Variants in TLCD3B observed in about 807,000 individuals in gnomAD.
TLCD3B encodes ceramide synthase.
A neutral mutation model predicts 23.0 loss-of-function variants in TLCD3B; 9 were observed. That is an observed-to-expected ratio of 0.39 (90% CI 0.24 to 0.68). The LOEUF (loss-of-function observed/expected upper bound fraction) is 0.68, where lower values mean the gene tolerates loss of function less well. TLCD3B is among the 30% of genes least tolerant of loss of function. The probability of loss-of-function intolerance (pLI) is 0.44; values close to 1 mark genes in which losing one functional copy is unlikely to be tolerated. For synonymous variants in TLCD3B, 161 were observed against 161.0 expected, an observed-to-expected ratio of 1.00 and a Z score of 0.00; for missense variants, 307 against 371.8, an observed-to-expected ratio of 0.83 and a Z score of 1.43.
In TLCD3B at chr16:30,025,494, C is replaced by A. The variant is rs369393920; in HGVS notation, c.541-27G>T. On this transcript the variant is annotated intron_variant, in intron 4 of 4. Coordinates refer to ENST00000380495, the MANE Select transcript of TLCD3B (RefSeq NM_031478.6). The surrounding 1 kb of genome is among the most constrained non-coding windows in gnomAD (Gnocchi z 4.1). ...TGAGGAGACACAGACACAGTGGCCA[C>A]GGCAGCAGAAGGGCTCGGCCCCCCT... 2 of 1,609,290 alleles carry A rather than the reference C, an allele frequency of 1.2e-6. No individual in the cohort carries two copies. The highest frequency in any genetic ancestry group is 2.2e-5 in the East Asian group (1 of 44,770).
intron 2 of TLCD3B, among the ~76,000 whole-genome samples, chr16:30,042,055 G>A (rs1027712022): frequency 4.6e-5 from 7 of 151,492 alleles, no homozygotes; most frequent in African/African-American, 1.7e-4. Context: ...TTTTCTAATC[G>A]CTGCCTATCA....
At chr16:30,048,160 A>C (rs886663586) in intron 1 of TLCD3B, among the ~76,000 whole-genome samples, 4 of 145,422 alleles carry the variant, frequency 2.8e-5, no homozygotes, top group South Asian at 2.2e-4. Flanking sequence ...AAAAAAAAAA[A>C]CCACCACCAA....
intron 1 of TLCD3B, among the ~76,000 whole-genome samples, chr16:30,050,606 A>C (rs1247319487): frequency 6.6e-6 from 1 of 152,240 alleles, no homozygotes; most frequent in Non-Finnish European, 1.5e-5. Flanking sequence ...CTTTAGGATC[A>C]ATAATGGTGA....
chr16:30,026,306 G>C (rs1221331127), intron 3 of TLCD3B, among the ~76,000 whole-genome samples: 2 of 152,090 alleles, frequency 1.3e-5, no homozygotes, highest in African/African-American at 2.4e-5. Flanking sequence ...CCCTCTCACG[G>C]TCCTGCAGAA....
intron 2 of TLCD3B, among the ~76,000 whole-genome samples, chr16:30,027,339 C>T (rs1387770894): frequency 1.3e-5 from 2 of 152,174 alleles, no homozygotes; most frequent in Non-Finnish European, 2.9e-5. Flanking sequence ...CTTATTTACC[C>T]CTCCCAAAAC....
At chr16:30,034,946 C>G (rs2071439426), upstream of TLCD3B, among the ~76,000 whole-genome samples, 1 of 148,214 alleles carries the variant, frequency 6.7e-6, no homozygotes, top group African/African-American at 2.5e-5. Context: ...GAGTCTCACT[C>G]TGTCACCTAG....
rs2071080067 is a variant in TLCD3B, at chr16:30,025,483, C to T, written c.541-16G>A. ...GCTGCTTGTACTGAGGAGACACAGA[C>T]ACAGTGGCCACGGCAGCAGAAGGGC... On this transcript the variant is annotated splice_polypyrimidine_tract_variant and intron_variant, in intron 4 of 4. Coordinates refer to ENST00000380495, the MANE Select transcript of TLCD3B (RefSeq NM_031478.6). The surrounding 1 kb of genome is among the most constrained non-coding windows in gnomAD (Gnocchi z 4.1). The T allele has an allele frequency of 6.2e-6, 10 of 1,610,492 alleles. No homozygotes were observed. In the East Asian group the frequency reaches 2.2e-4, roughly 36 times the overall value.
At position 30,025,493 on chromosome 16, in the gene TLCD3B, A is replaced by ACGGCAGCAGAAGGGCT; in HGVS notation, c.541-42_541-27dup. On this transcript the variant is annotated intron_variant, in intron 4 of 4. Coordinates refer to ENST00000380495, the MANE Select transcript of TLCD3B (RefSeq NM_031478.6). This position sits in a 1 kb window ranked among gnomAD's most constrained non-coding sequence, Gnocchi z 4.1. ...CTGAGGAGACACAGACACAGTGGCC[A>ACGGCAGCAGAAGGGCT]CGGCAGCAGAAGGGCTCGGCCCCCC... The ACGGCAGCAGAAGGGCT allele has an allele frequency of 6.2e-7, 1 of 1,609,512 alleles. No homozygotes were observed. Among genetic ancestry groups the ACGGCAGCAGAAGGGCT allele is most frequent in the Non-Finnish European group, 8.5e-7 (1 of 1,178,388 alleles).
exon 1 of TLCD3B, chr16:30,052,870 C>G (rs1262851729): frequency 2.0e-5 from 3 of 152,124 alleles, no homozygotes; most frequent in Admixed American, 2.0e-4. Flanking sequence ...GGGGTTCAAT[C>G]CTCCTGTGGC....
intron 3 of TLCD3B, among the ~76,000 whole-genome samples, chr16:30,039,289 A>C (rs1309901031): frequency 6.6e-6 from 1 of 151,578 alleles, no homozygotes; most frequent in Non-Finnish European, 1.5e-5. Flanking sequence ...ACGCCTGGCT[A>C]ATTTTGTATT....
intron 3 of TLCD3B, among the ~76,000 whole-genome samples, chr16:30,040,235 A>G (rs1057272858): frequency 1.3e-5 from 2 of 150,994 alleles, no homozygotes. Context: ...CAGCTCCTGC[A>G]TAGCTCATTG....
rs2071154420 is a variant in TLCD3B at position 30,026,690 on chromosome 16, T to C, written c.363A>G (p.Ile121Met). 1 of 1,613,812 alleles carries C rather than the reference T, an allele frequency of 6.2e-7. No homozygotes were observed. The highest frequency in any genetic ancestry group is 1.1e-5 in the South Asian group (1 of 91,080). ...AARAPGSTWA[I>M]ARGYLHKEFL... Reference sequence around the variant, plus strand: ...ACTCCTTGTGCAGGTAGCCACGCGCTATGGCCCACGTGCTGCCCGGGGCTC... The same window carrying C: ...ACTCCTTGTGCAGGTAGCCACGCGCCATGGCCCACGTGCTGCCCGGGGCTC... Residue 121 changes from isoleucine (I) to methionine (M), a missense_variant, in exon 3 of 5, where the codon ATA (isoleucine) becomes ATG (methionine). Coordinates refer to ENST00000380495, the MANE Select transcript of TLCD3B (RefSeq NM_031478.6).
intron 2 of TLCD3B, chr16:30,027,722 C>A (rs2071210434): frequency 4.4e-6 from 2 of 451,310 alleles, no homozygotes; most frequent in Non-Finnish European, 4.5e-6. Flanking sequence ...CAGCATTTTT[C>A]TTCTGGAGTC....
chr16:30,028,644 G>A (rs1300666054), intron 2 of TLCD3B, among the ~76,000 whole-genome samples: 3 of 152,172 alleles, frequency 2.0e-5, no homozygotes, highest in African/African-American at 4.8e-5. Context: ...ACTCATCTTC[G>A]GGAAAAGAGG....
At chr16:30,038,447 C>T (rs935325967) in intron 3 of TLCD3B, among the ~76,000 whole-genome samples, 2 of 152,024 alleles carry the variant, frequency 1.3e-5, no homozygotes, top group Admixed American at 1.3e-4. Context: ...AGTGCGACTC[C>T]GTCTCTAAAA....
rs377248228 is a variant in TLCD3B at position 30,030,423 on chromosome 16, G to A, written c.105C>T (p.Asp35=). 13 of 1,594,216 alleles carry A rather than the reference G, an allele frequency of 8.2e-6. No homozygotes were observed. The highest frequency in any genetic ancestry group is 2.2e-5 in the East Asian group (1 of 44,602). Residue 35 remains aspartate (D), a synonymous_variant, in exon 1 of 5, where the codon GAC becomes GAT. Coordinates refer to ENST00000380495, the MANE Select transcript of TLCD3B (RefSeq NM_031478.6). ...RLPQLRWEEA[D]AVIVSARLVS... is the part of the protein sequence containing the mutation. The stretch of plus-strand genomic sequence containing the variant: ...TTTACCTGGCTGAGACAATGACTGC[G>A]TCGGCCTCCTCCCAGCGTAGCTGGG...
chr16:30,029,338 A>C lies in TLCD3B; in HGVS notation c.209+94T>G. The C allele has an allele frequency of 4.4e-6, 5 of 1,144,354 alleles. No individual in the cohort carries two copies. In the Admixed American group the frequency reaches 9.6e-5, roughly 22 times the overall value. 70.9% of individuals were successfully genotyped at this position (1,144,354 alleles called of 1,614,324 possible). On this transcript the variant is annotated intron_variant, in intron 2 of 4. Coordinates refer to ENST00000380495, the MANE Select transcript of TLCD3B (RefSeq NM_031478.6). The surrounding 1 kb of genome is among the most constrained non-coding windows in gnomAD (Gnocchi z 4.6). ...CCCAAGTTAAGGGCTTGGGGACCAC[A>C]GACAGAGTTCCCTCCAAGATGTGGG...
chr16:30,032,497 T>C (rs890659761), upstream of TLCD3B, among the ~76,000 whole-genome samples: 1 of 152,122 alleles, frequency 6.6e-6, no homozygotes, highest in African/African-American at 2.4e-5. Flanking sequence ...ACCTAGCTCC[T>C]GTCCTCAGCC....
chr16:30,026,127 G>A (rs980653519), intron 3 of TLCD3B, among the ~76,000 whole-genome samples: 11 of 152,096 alleles, frequency 7.2e-5, no homozygotes, highest in African/African-American at 2.7e-4. Flanking sequence ...CCCAGCTACT[G>A]GGGAGGCTGA....
Sources: gnomAD v4.1 joint callset for allele counts (sites outside exome capture counted in the v4.1 genomes callset) on GRCh38, gnomAD v4.1.1 for gene constraint, Gnocchi (gnomAD v3.1) non-coding constraint, MANE v1.5 for transcripts, NCBI Gene and HGNC (gene_info 2026-07-23, HGNC 2026-07-21) for gene names.